KIAA1217: variants seen among roughly 807,000 people sequenced by gnomAD.
KIAA1217 encodes the protein KIAA1217.
Under a neutral mutation model 163.9 loss-of-function variants are expected in KIAA1217, and 88 were observed. The ratio of observed to expected loss-of-function variants is 0.54; its 90% CI spans 0.45 to 0.64. KIAA1217 has a LOEUF of 0.64. Ranked by LOEUF, KIAA1217 falls within the 30% of genes least tolerant of loss-of-function variation. KIAA1217 has a pLI of 0.00. For missense variants in KIAA1217, 2,372 were observed against 2,475.0 expected, an observed-to-expected ratio of 0.96 and a Z score of 0.88; for synonymous variants, 903 against 923.1, an observed-to-expected ratio of 0.98 and a Z score of 0.39.
At chr10:23,963,744 C>A (rs1008396505) in intron 1 of KIAA1217, among the ~76,000 whole-genome samples, 1 of 152,090 alleles carries the variant, frequency 6.6e-6, no homozygotes, top group African/African-American at 2.4e-5. Flanking sequence ...AGTGTAAAAG[C>A]GTTCCTATTT....
In KIAA1217 at chr10:24,424,119, T is replaced by C. The variant is rs577093294; in HGVS notation, c.554-8876T>C. Reference sequence around the variant, plus strand: ...CTTTCTGCGGAGAATGAATTTTCTATTATCTTTTTCTTCTTTGCAAGGCAA... The same window carrying C: ...CTTTCTGCGGAGAATGAATTTTCTACTATCTTTTTCTTCTTTGCAAGGCAA... On this transcript the variant is annotated intron_variant, in intron 3 of 20. Transcript: ENST00000376454. 3.3e-5 allele frequency among the ~76,000 whole-genome samples: 5 copies of C among 152,336 alleles called. No homozygotes were observed. The East Asian group carries it at 9.6e-4, about 29-fold the overall frequency.
At chr10:24,303,615 A>G (rs2041646367) in intron 2 of KIAA1217, among the ~76,000 whole-genome samples, 1 of 152,168 alleles carries the variant, frequency 6.6e-6, no homozygotes, top group Non-Finnish European at 1.5e-5. Context: ...TCATTTACAG[A>G]GAATGGGGAG....
chr10:24,351,417 A>G (rs1591224929), intron 2 of KIAA1217, among the ~76,000 whole-genome samples: 2 of 152,094 alleles, frequency 1.3e-5, no homozygotes, highest in South Asian at 2.1e-4. Context: ...GGCACATCCA[A>G]GGTCAGTGTT....
At chr10:24,449,315 C>T in intron 5 of KIAA1217, 1 of 305,616 alleles carries the variant, frequency 3.3e-6, no homozygotes, top group Non-Finnish European at 4.8e-6. Flanking sequence ...GCTTGCTTTT[C>T]CTTGTACTAT....
chr10:24,417,859 AT>A (rs56195155), intron 3 of KIAA1217, among the ~76,000 whole-genome samples: 31 of 147,934 alleles, frequency 2.1e-4, no homozygotes, highest in Admixed American at 5.4e-4. Context: ...GAATAGCTTG[AT>A]TTTTTTTTTT....
intron 5 of KIAA1217, among the ~76,000 whole-genome samples, chr10:24,452,654 C>T (rs1029232203): frequency 2.7e-5 from 4 of 145,978 alleles, no homozygotes; most frequent in African/African-American, 1.0e-4. Flanking sequence ...TGCACTCCAG[C>T]CTGAGTGACA....
At chr10:24,123,825 C>T (rs2063373291) in intron 2 of KIAA1217, among the ~76,000 whole-genome samples, 1 of 152,124 alleles carries the variant, frequency 6.6e-6, no homozygotes, top group African/African-American at 2.4e-5. Context: ...ATCTGATATT[C>T]TTCTTTGCTA....
intron 5 of KIAA1217, among the ~76,000 whole-genome samples, chr10:24,455,993 C>T (rs2061748306): frequency 6.6e-6 from 1 of 152,148 alleles, no homozygotes; most frequent in Non-Finnish European, 1.5e-5. Flanking sequence ...TCAAGAGATC[C>T]TCCCACCTTA....
chr10:23,729,377 G>C (rs7068052), intron 1 of KIAA1217, among the ~76,000 whole-genome samples: 33,228 of 152,064 alleles, frequency 0.22, 3,875 homozygotes, highest in Middle Eastern at 0.29. Flanking sequence ...GTGCCAAACT[G>C]TCTTCCAAAA....
chr10:23,912,578 A>G lies in KIAA1217; in HGVS notation c.-320-94647A>G, dbSNP rs148989264. Among the ~76,000 whole-genome samples, 220 of 152,204 alleles carry G rather than the reference A, an allele frequency of 1.4e-3. 1 individual carries two copies. The highest frequency in any genetic ancestry group is 9.8e-3 in the Admixed American group (150 of 15,276). ...AGCTCCCACTTACAAGTAAGAACAC[A>G]CAGTATTTGATTTTCTGTTTCTCAG... On this transcript the variant is annotated intron_variant, in intron 1 of 18. Transcript: ENST00000376462.
chr10:24,141,227 C>G (rs1203394351), intron 2 of KIAA1217, among the ~76,000 whole-genome samples: 1 of 93,130 alleles, frequency 1.1e-5, no homozygotes, highest in Non-Finnish European at 2.2e-5. Flanking sequence ...AAGAATAAAC[C>G]CCCCCCCCCC....
chr10:24,162,858 G>A (rs985186316), intron 2 of KIAA1217, among the ~76,000 whole-genome samples: 1 of 152,170 alleles, frequency 6.6e-6, no homozygotes, highest in Non-Finnish European at 1.5e-5. Flanking sequence ...GCTGTTGGCT[G>A]AGTGTCTCAC....
At chr10:23,750,685 A>G (rs576285116) in intron 1 of KIAA1217, among the ~76,000 whole-genome samples, 1 of 152,274 alleles carries the variant, frequency 6.6e-6, no homozygotes, top group African/African-American at 2.4e-5. Context: ...CCCTGGCTTG[A>G]TATACACTTG....
At chr10:24,477,163 G>A (rs548091195) in intron 6 of KIAA1217, among the ~76,000 whole-genome samples, 25 of 152,262 alleles carry the variant, frequency 1.6e-4, no homozygotes, top group African/African-American at 5.1e-4. Flanking sequence ...TAGATATCTT[G>A]GTAACTAGGC....
chr10:24,534,410 G>T (rs974147554), intron 16 of KIAA1217, among the ~76,000 whole-genome samples: 2 of 152,128 alleles, frequency 1.3e-5, no homozygotes, highest in Non-Finnish European at 2.9e-5. Flanking sequence ...TATCTTTCAG[G>T]CTTGTGGATA....
intron 8 of KIAA1217, among the ~76,000 whole-genome samples, chr10:24,500,100 G>C (rs1488417297): frequency 6.6e-6 from 1 of 152,044 alleles, no homozygotes; most frequent in East Asian, 1.9e-4. Context: ...GCCACTCCAG[G>C]GTCTGCAAGT....
At chr10:23,913,091 C>A (rs16924055) in intron 1 of KIAA1217, among the ~76,000 whole-genome samples, 2 of 152,044 alleles carry the variant, frequency 1.3e-5, no homozygotes, top group Admixed American at 6.5e-5. Flanking sequence ...GGTCACCCTG[C>A]GGGTAACTTG....
At chr10:24,216,794 T>G (rs1392370113) in intron 1 of KIAA1217, among the ~76,000 whole-genome samples, 7 of 138,216 alleles carry the variant, frequency 5.1e-5, no homozygotes, top group Admixed American at 1.5e-4. Flanking sequence ...ACCACTGCAC[T>G]CCAGCCTGAG....
At chr10:23,806,781 C>T (rs1036152309) in intron 1 of KIAA1217, among the ~76,000 whole-genome samples, 11 of 152,006 alleles carry the variant, frequency 7.2e-5, no homozygotes, top group Non-Finnish European at 1.3e-4. Context: ...TCCTTTTTGC[C>T]TTCACTGTAC....
Sources: gnomAD v4.1 joint callset for allele counts (sites outside exome capture counted in the v4.1 genomes callset) on GRCh38, gnomAD v4.1.1 for gene constraint, MANE v1.5 for transcripts, NCBI Gene and HGNC (gene_info 2026-07-23, HGNC 2026-07-21) for gene names.